IFNGR1: variants seen among roughly 807,000 people sequenced by gnomAD.
IFNGR1 encodes the protein interferon gamma receptor 1.
In IFNGR1, 23 loss-of-function variants were observed where a neutral mutation model predicts 35.4. That is an observed-to-expected ratio of 0.65 (90% CI 0.47 to 0.92). The LOEUF (loss-of-function observed/expected upper bound fraction) is 0.92, where lower values mean the gene tolerates loss of function less well. IFNGR1 is among the 40% of genes least tolerant of loss of function. The pLI, the probability that IFNGR1 is intolerant of heterozygous loss-of-function variation, is 0.00. For synonymous variants in IFNGR1, 199 were observed against 209.5 expected (o/e 0.95, Z 0.43); for missense variants, 533 against 583.4 (o/e 0.91, Z 0.89).
Position 137,206,255 on chromosome 6 carries a change from CAAT to C in IFNGR1, c.251_253del (p.Tyr84del). ...ATCACCAACATGATCAGAAATATTA[CAAT>C]AATGATGAGAAATATTGATGCAGGC... is the stretch of plus-strand genomic sequence containing the variant. On this transcript the variant is annotated inframe_deletion, in exon 3 of 7. Transcript: ENST00000367739. 6.2e-7 allele frequency: 1 copy of C among 1,610,986 alleles called. No individual in the cohort carries two copies. Among genetic ancestry groups the C allele is most frequent in the Non-Finnish European group, 8.5e-7 (1 of 1,177,150 alleles).
intron 1 of IFNGR1, among the ~76,000 whole-genome samples, chr6:137,208,093 C>A (rs192315409): frequency 2.6e-5 from 4 of 152,128 alleles, no homozygotes; most frequent in Non-Finnish European, 4.4e-5. Context: ...AAGAGACTGG[C>A]GGCATTTTGC....
intron 1 of IFNGR1, among the ~76,000 whole-genome samples, chr6:137,213,113 TTTAAA>T (rs1779613367): frequency 6.6e-6 from 1 of 152,116 alleles, no homozygotes; most frequent in African/African-American, 2.4e-5. Context: ...TAATGTGAGG[TTTAAA>T]TTGTTATATA....
chr6:137,201,195 A>G (rs1049322652), intron 5 of IFNGR1, among the ~76,000 whole-genome samples, 187 bp from the exon 6 acceptor site: 2 of 152,228 alleles, frequency 1.3e-5, no homozygotes, highest in Admixed American at 6.5e-5. Context: ...TTAGATAGCA[A>G]TATGGTTCTT....
intron 1 of IFNGR1, among the ~76,000 whole-genome samples, chr6:137,216,507 T>C (rs1013311856): frequency 6.6e-6 from 1 of 152,216 alleles, no homozygotes; most frequent in Non-Finnish European, 1.5e-5. Context: ...AACACCTGGA[T>C]TTCCTGGAGA....
chr6:137,198,673 T>A (rs1779162175), intron 6 of IFNGR1, 34 bp from the exon 7 acceptor site: 2 of 1,568,802 alleles, frequency 1.3e-6, no homozygotes, highest in African/African-American at 1.3e-5. Flanking sequence ...AGATAAAAAA[T>A]TGTTAAGCTT....
At chr6:137,200,830 A>G (rs1020268629) in intron 6 of IFNGR1, 51 bp downstream of exon 6, 7 of 1,370,714 alleles carry the variant, frequency 5.1e-6, no homozygotes, top group Non-Finnish European at 7.0e-6. Context: ...AAACTATCAA[A>G]AAAGGTTCAA....
chr6:137,218,255 A>G (rs779597246), intron 1 of IFNGR1, among the ~76,000 whole-genome samples: 2 of 151,994 alleles, frequency 1.3e-5, no homozygotes, highest in Non-Finnish European at 2.9e-5. Flanking sequence ...TGGACCTTTC[A>G]AAGTCCCTAT....
At chr6:137,213,426 C>A (rs1779619668) in intron 1 of IFNGR1, among the ~76,000 whole-genome samples, 1 of 152,160 alleles carries the variant, frequency 6.6e-6, no homozygotes, top group African/African-American at 2.4e-5. Context: ...ATTCCCAGAA[C>A]TCCCCTACAA....
chr6:137,197,851 C>T lies in IFNGR1; in HGVS notation c.*180G>A. 1 of 695,782 alleles carries T rather than the reference C, an allele frequency of 1.4e-6. No individual in the cohort carries two copies. The highest frequency in any genetic ancestry group is 2.3e-6 in the Non-Finnish European group (1 of 435,456). The allele number at this position is 695,782 out of a possible 1,614,324, so 43.1% of individuals were successfully genotyped here. A position where few individuals can be genotyped will look rare whatever the true frequency, so the allele number is the denominator to read the frequency against. ...GTTTAAAAAAAAAAAAAAGTCTGTACTTTACAAGCCAAAAGTGAAAATGCC... is the reference window on the plus strand; with the variant it reads ...GTTTAAAAAAAAAAAAAAGTCTGTATTTTACAAGCCAAAAGTGAAAATGCC... On this transcript the variant is annotated 3_prime_UTR_variant, in exon 7 of 7. Coordinates refer to ENST00000367739, the MANE Select transcript of IFNGR1 (RefSeq NM_000416.3).
intron 6 of IFNGR1, among the ~76,000 whole-genome samples, chr6:137,199,567 A>ATATATATATATTT (rs1185525239): frequency 1.5e-5 from 1 of 66,172 alleles, no homozygotes; most frequent in African/African-American, 6.0e-5. Flanking sequence ...AAATATATAT[A>ATATATATATATTT]ATATATAATA....
rs780722787 is a variant in IFNGR1 at position 137,206,252 on chromosome 6, T to C, written c.257A>G (p.Asn86Ser). Residue 86 changes from asparagine (N) to serine (S), a missense_variant, in exon 3 of 7, where the codon AAT (asparagine) becomes AGT (serine). Transcript: ENST00000367739. ...ACINISHHYC[N>S]ISDHVGDPSN... ...TGGATCACCAACATGATCAGAAATA[T>C]TACAATAATGATGAGAAATATTGAT... 4 of 1,611,156 alleles carry C rather than the reference T, an allele frequency of 2.5e-6. No homozygotes were observed. Among genetic ancestry groups the C allele is most frequent in the South Asian group, 1.1e-5 (1 of 91,032 alleles).
intron 1 of IFNGR1, chr6:137,218,605 C>G (rs1779764811): frequency 5.3e-6 from 4 of 747,770 alleles, no homozygotes; most frequent in Non-Finnish European, 7.7e-6. Flanking sequence ...CCCCCACCCC[C>G]GCTAAGAAAG....
At chr6:137,218,663 G>A in intron 1 of IFNGR1, 1 of 357,602 alleles carries the variant, frequency 2.8e-6, no homozygotes, top group Non-Finnish European at 5.4e-6. Flanking sequence ...TGCTGATCAG[G>A]ACACTCACAG....
In IFNGR1 at chr6:137,207,070, T is replaced by C; in HGVS notation, c.93A>G (p.Thr31=). ...AGGATTCAATTGTAACATTAGTTGG[T>C]GTAGGCACTGTAAGAAAATAAAAAA... The part of the protein sequence containing the change: ...TADLGPSSVP[T]PTNVTIESYN... The change falls in exon 2 of 7, where the codon ACA becomes ACG. Residue 31 remains threonine (T), a synonymous_variant. Transcript: ENST00000367739. 6.2e-7 allele frequency: 1 copy of C among 1,613,870 alleles called. No homozygotes were observed. Among genetic ancestry groups the C allele is most frequent in the Middle Eastern group, 1.7e-4 (1 of 6,058 alleles).
intron 2 of IFNGR1, 76 bp from the exon 3 acceptor site, chr6:137,206,384 GCTT>G (rs1351053122): frequency 1.1e-5 from 13 of 1,162,722 alleles, no homozygotes; most frequent in Non-Finnish European, 1.6e-5. Flanking sequence ...TCTGTGCTTT[GCTT>G]TTTATTCACA....
chr6:137,217,732 T>G (rs979892034), intron 1 of IFNGR1, among the ~76,000 whole-genome samples: 3 of 152,226 alleles, frequency 2.0e-5, no homozygotes, highest in African/African-American at 7.2e-5. Flanking sequence ...TTCCTCTTTT[T>G]GCTTAAGTTA....
chr6:137,201,302 T>A (rs1001377805), intron 5 of IFNGR1, among the ~76,000 whole-genome samples: 3 of 152,222 alleles, frequency 2.0e-5, no homozygotes, highest in Non-Finnish European at 4.4e-5. Context: ...CAGCCCTACA[T>A]ACAGTGTGTT....
At chr6:137,216,524 A>C (rs1267337083) in intron 1 of IFNGR1, among the ~76,000 whole-genome samples, 1 of 152,224 alleles carries the variant, frequency 6.6e-6, no homozygotes, top group South Asian at 2.1e-4. Flanking sequence ...GAGACTGACT[A>C]TATCACCATA....
intron 1 of IFNGR1, among the ~76,000 whole-genome samples, chr6:137,207,611 T>C (rs1383943324): frequency 2.0e-5 from 3 of 152,122 alleles, no homozygotes; most frequent in Non-Finnish European, 4.4e-5. Context: ...TCTCATGAGA[T>C]ATGATGGGTT....
Sources: gnomAD v4.1 joint callset for allele counts (sites outside exome capture counted in the v4.1 genomes callset) on GRCh38, gnomAD v4.1.1 for gene constraint, MANE v1.5 for transcripts, NCBI Gene and HGNC (gene_info 2026-07-23, HGNC 2026-07-21) for gene names.